DMXL1: variants seen among roughly 807,000 people sequenced by gnomAD.
DMXL1 encodes the protein Dmx like 1, also known as dmX-like protein 1.
In DMXL1, 99 loss-of-function variants were observed where a neutral mutation model predicts 319.2. The observed-to-expected ratio is 0.31, with a 90% CI of 0.26 to 0.37. DMXL1 has a LOEUF of 0.37. DMXL1 is among the 10% of genes least tolerant of loss of function. The pLI is 1.00. For missense variants in DMXL1, 3,745 were observed against 3,595.6 expected (o/e 1.04, Z -1.06); for synonymous variants, 1,385 against 1,235.2 (o/e 1.12, Z -2.54).
At chr5:119,115,121 C>T (rs1410093217) in intron 6 of DMXL1, among the ~76,000 whole-genome samples, 1 of 152,084 alleles carries the variant, frequency 6.6e-6, no homozygotes, top group Non-Finnish European at 1.5e-5. Context: ...CTTATTGAGC[C>T]TTTCTTTTCT....
chr5:119,207,300 A>T (rs1214039234), intron 34 of DMXL1, among the ~76,000 whole-genome samples: 3 of 151,468 alleles, frequency 2.0e-5, no homozygotes, highest in African/African-American at 4.9e-5. Flanking sequence ...TAATGATATT[A>T]AAAAATTCAA....
intron 1 of DMXL1, among the ~76,000 whole-genome samples, chr5:119,072,580 A>G (rs1415355203): frequency 2.6e-5 from 4 of 152,208 alleles, no homozygotes; most frequent in Non-Finnish European, 5.9e-5. Flanking sequence ...TAAGTGACAC[A>G]AAGTAAACAA....
chr5:119,143,477 T>C (rs910713339), intron 13 of DMXL1, among the ~76,000 whole-genome samples: 1 of 152,038 alleles, frequency 6.6e-6, no homozygotes, highest in Non-Finnish European at 1.5e-5. Flanking sequence ...TTGAATAGTA[T>C]GTAATCTTGT....
At chr5:119,099,372 G>A (rs930441194) in intron 2 of DMXL1, among the ~76,000 whole-genome samples, 1 of 151,858 alleles carries the variant, frequency 6.6e-6, no homozygotes, top group African/African-American at 2.4e-5. Flanking sequence ...CATCATACCC[G>A]GCTAATTTTT....
chr5:119,196,338 T>C (rs760679112), intron 30 of DMXL1, 33 bp from the exon 31 acceptor site: 6 of 1,532,066 alleles, frequency 3.9e-6, no homozygotes, highest in Non-Finnish European at 5.4e-6. Context: ...CCTATAGAAA[T>C]AGTTAACAGA....
At chr5:119,212,655 T>C (rs1043082373) in intron 34 of DMXL1, among the ~76,000 whole-genome samples, 1 of 152,220 alleles carries the variant, frequency 6.6e-6, no homozygotes, top group Admixed American at 6.5e-5. Context: ...ATATTTGGAT[T>C]CTTTTTTCTT....
rs139393937 is a variant in DMXL1, at chr5:119,121,364, G to A, written c.1102+225G>A. Among the ~76,000 whole-genome samples the A allele has an allele frequency of 2.8e-3, 426 of 151,868 alleles. 2 individuals carry two copies. The highest frequency in any genetic ancestry group is 9.7e-3 in the African/African-American group (400 of 41,380). The stretch of plus-strand genomic sequence containing the variant: ...GGCACGGTCATAGGACAATAGTGGA[G>A]GGAAGGTCAGCAGATCAACAAGTGA... On this transcript the variant is annotated intron_variant, in intron 9 of 43. Coordinates refer to ENST00000539542, the MANE Select transcript of DMXL1 (RefSeq NM_001290321.3).
chr5:119,085,367 T>C (rs1033319587), intron 1 of DMXL1, among the ~76,000 whole-genome samples: 2 of 149,050 alleles, frequency 1.3e-5, no homozygotes, highest in East Asian at 3.9e-4. Context: ...TAAATAAATA[T>C]AATAATAATA....
intron 34 of DMXL1, among the ~76,000 whole-genome samples, chr5:119,210,151 A>G (rs962764964): frequency 3.9e-5 from 6 of 151,946 alleles, no homozygotes; most frequent in African/African-American, 9.7e-5. Context: ...GGGTTTCACC[A>G]TGTTACCCAG....
intron 3 of DMXL1, among the ~76,000 whole-genome samples, chr5:119,103,144 A>C (rs558476054): frequency 4.0e-5 from 6 of 150,800 alleles, no homozygotes; most frequent in African/African-American, 1.2e-4. Flanking sequence ...ACTGGTTTCT[A>C]TTTCTGGGTC....
At chr5:119,243,571 C>A (rs1475364989) in intron 42 of DMXL1, among the ~76,000 whole-genome samples, 1 of 151,972 alleles carries the variant, frequency 6.6e-6, no homozygotes, top group African/African-American at 2.4e-5. Flanking sequence ...TTTTATATTT[C>A]TCATACTGCT....
chr5:119,196,637 C>A (rs1047289644), intron 31 of DMXL1, among the ~76,000 whole-genome samples, 181 bp downstream of exon 31: 1 of 150,326 alleles, frequency 6.7e-6, no homozygotes, highest in African/African-American at 2.5e-5. Flanking sequence ...CTGTTAGGTG[C>A]TTGAGGATGG....
rs954044614 is a variant in DMXL1 at position 119,155,188 on chromosome 5, A to G, written c.4702+3152A>G. Reference sequence around the variant, plus strand: ...TAACACAACATTCATTTTGCAGTCCATGAATCAAAGAATGCCTCCAACTTT... The same window carrying G: ...TAACACAACATTCATTTTGCAGTCCGTGAATCAAAGAATGCCTCCAACTTT... On this transcript the variant is annotated intron_variant, in intron 19 of 43. Transcript: ENST00000539542. Among the ~76,000 whole-genome samples the G allele has an allele frequency of 1.1e-4, 17 of 152,360 alleles. No homozygotes were observed. In the South Asian group the frequency reaches 1.7e-3, roughly 15 times the overall value.
chr5:119,164,723 G>A (rs375651452), intron 20 of DMXL1, 47 bp downstream of exon 20: 6 of 1,498,952 alleles, frequency 4.0e-6, no homozygotes, highest in Admixed American at 1.9e-5. Context: ...TTTTTTGGAC[G>A]TTTCTTTAAA....
chr5:119,208,430 T>A (rs777646683), intron 34 of DMXL1, among the ~76,000 whole-genome samples: 11 of 152,084 alleles, frequency 7.2e-5, no homozygotes, highest in Non-Finnish European at 1.3e-4. Context: ...GTCCGGCTGG[T>A]CTTGAACTCC....
At chr5:119,127,808 A>G (rs911281885) in intron 9 of DMXL1, 4 of 266,510 alleles carry the variant, frequency 1.5e-5, no homozygotes, top group Non-Finnish European at 3.1e-5. Flanking sequence ...ATTTAATTTT[A>G]TGTTCTTAGA....
At chr5:119,168,068 A>T (rs191090766) in intron 23 of DMXL1, among the ~76,000 whole-genome samples, 55 of 152,356 alleles carry the variant, frequency 3.6e-4, no homozygotes, top group Non-Finnish European at 7.2e-4. Context: ...TGTTTTTACA[A>T]AATAGATTTA....
intron 6 of DMXL1, among the ~76,000 whole-genome samples, chr5:119,115,084 C>T (rs527878422): frequency 6.6e-6 from 1 of 152,256 alleles, no homozygotes; most frequent in East Asian, 1.9e-4. Context: ...TGCCATTTAC[C>T]AGCTTTATCA....
intron 1 of DMXL1, among the ~76,000 whole-genome samples, chr5:119,081,277 C>T (rs1752134414): frequency 6.6e-6 from 1 of 152,124 alleles, no homozygotes; most frequent in South Asian, 2.1e-4. Context: ...AAGTCAAATC[C>T]AGATGACTTC....
Sources: allele counts gnomAD v4.1 joint callset (sites outside exome capture counted in the v4.1 genomes callset), GRCh38; gene constraint gnomAD v4.1.1; transcripts MANE v1.5; gene names NCBI Gene and HGNC (gene_info 2026-07-23, HGNC 2026-07-21).